Variants in SMPD4 observed in about 807,000 individuals in gnomAD.
SMPD4 encodes neutral sphingomyelinase 3.
In SMPD4, 58 loss-of-function variants were observed where a neutral mutation model predicts 97.8. That is an observed-to-expected ratio of 0.59 (90% CI 0.48 to 0.74). SMPD4 has a LOEUF of 0.74. SMPD4 is among the 30% of genes least tolerant of loss of function. The pLI is 0.00. For synonymous variants in SMPD4, 388 were observed against 450.0 expected, an observed-to-expected ratio of 0.86 and a Z score of 1.74; for missense variants, 853 against 1,080.5, an observed-to-expected ratio of 0.79 and a Z score of 2.95.
chr2:130,181,729 A>G (rs1376632544), upstream of SMPD4: 5 of 1,548,904 alleles, frequency 3.2e-6, no homozygotes, highest in East Asian at 2.4e-5. Context: ...ATGGCGAGGC[A>G]GGAGTGCGGG....
Position 130,152,513 on chromosome 2 carries a change from G to A in SMPD4, c.*42C>T. On this transcript the variant is annotated 3_prime_UTR_variant, in exon 20 of 20. Transcript: ENST00000680298. ...CCTCTCAGCCCAAGGGTGGGGCTGT[G>A]TGGCAAATCCCTCCAGCCTGCTCTG... The A allele has an allele frequency of 6.6e-7, 1 of 1,507,884 alleles. No homozygotes were observed. The highest frequency in any genetic ancestry group is 8.9e-7 in the Non-Finnish European group (1 of 1,119,190). The allele number at this position is 1,507,884 out of a possible 1,614,324, so 93.4% of individuals were successfully genotyped here. A position where few individuals can be genotyped will look rare whatever the true frequency, so the allele number is the denominator to read the frequency against.
rs1413310207 is a variant in SMPD4 at position 130,174,961 on chromosome 2, G to C, written c.79C>G (p.Gln27Glu). 3 of 1,609,862 alleles carry C rather than the reference G, an allele frequency of 1.9e-6. No homozygotes were observed. Among genetic ancestry groups the C allele is most frequent in the Non-Finnish European group, 8.5e-7 (1 of 1,176,364 alleles). ...KADSINKPFA[Q>E]QCQDLVKVIE... ...ACTTTAACCAAGTCTTGGCACTGCT[G>C]TGCAAAGGGCTTATTTATAGAGTCA... The change falls in exon 3 of 20, where the codon CAG (glutamine) becomes GAG (glutamate). Residue 27 changes from glutamine (Q) to glutamate (E), a missense_variant. By Grantham distance (29) the Gln-to-Glu change is conservative (BLOSUM62 2). Coordinates refer to ENST00000680298, the MANE Select transcript of SMPD4 (RefSeq NM_017951.5).
rs761898713 is a variant in SMPD4 at position 130,153,322 on chromosome 2, G to T, written c.2022C>A (p.Tyr674Ter). 1 of 1,613,718 alleles carries T rather than the reference G, an allele frequency of 6.2e-7. No homozygotes were observed. Among genetic ancestry groups the T allele is most frequent in the South Asian group, 1.1e-5 (1 of 91,088 alleles). ...CTCTGAGACACGGGCCTCTCACCTG[G>T]TACCGCCCCAGGGGCGTAAGGATGA... ...DGLILTPLGR[Y>*]QIINGLRRFE... Residue 674 changes from tyrosine to a stop codon, truncating the protein, a stop_gained, in exon 18 of 20, where the codon TAC becomes TAA. Transcript: ENST00000680298. LOFTEE classifies it high-confidence loss of function.
chr2:130,153,661 G>A (rs1686459917), intron 17 of SMPD4, 41 bp downstream of exon 17: 4 of 1,598,538 alleles, frequency 2.5e-6, no homozygotes, highest in Non-Finnish European at 3.4e-6. Flanking sequence ...CTTCAGGGAA[G>A]GGGACCCTGA....
At chr2:130,181,343 C>G (rs561997077) in intron 1 of SMPD4, 187 bp downstream of exon 1, 1 of 1,431,766 alleles carries the variant, frequency 7.0e-7, no homozygotes, top group African/African-American at 1.4e-5. Context: ...GGCACAAAGG[C>G]ATGGCCCAGA....
intron 11 of SMPD4, among the ~76,000 whole-genome samples, chr2:130,160,552 C>A (rs1687292125): frequency 6.6e-6 from 1 of 152,246 alleles, no homozygotes; most frequent in Non-Finnish European, 1.5e-5. Context: ...GAGGTCACCA[C>A]CCACTCTAAT....
intron 3 of SMPD4, among the ~76,000 whole-genome samples, chr2:130,174,574 G>A (rs1483801571): frequency 1.3e-5 from 2 of 152,164 alleles, no homozygotes; most frequent in African/African-American, 4.8e-5. Context: ...TTGTCGCAGG[G>A]AGCTGTCCTG....
chr2:130,152,693 C>A lies in SMPD4; in HGVS notation c.2346G>T (p.Ser782=). Residue 782 remains serine (S), a synonymous_variant, in exon 20 of 20, where the codon TCG becomes TCT. Transcript: ENST00000680298. ...AGGCCACGAAGAAGGCCAGCAGCAG[C>A]GAGACCAGCGTCCGGTAACTGCCCA... ...RFLGSYRTLV[S]LLLAFFVASL... 2 of 1,573,476 alleles carry A rather than the reference C, an allele frequency of 1.3e-6. No homozygotes were observed. Among genetic ancestry groups the A allele is most frequent in the South Asian group, 2.3e-5 (2 of 86,402 alleles).
At chr2:130,175,246 T>A (rs1688863695) in intron 2 of SMPD4, among the ~76,000 whole-genome samples, 2 of 152,128 alleles carry the variant, frequency 1.3e-5, no homozygotes, top group Admixed American at 1.3e-4. Context: ...CTCAGAGTGC[T>A]GCACATGATC....
At position 130,181,584 on chromosome 2, in the gene SMPD4, G is replaced by C. The variant is rs549079454; in HGVS notation, c.-100C>G. 2.5e-6 allele frequency: 4 copies of C among 1,605,320 alleles called. No homozygotes were observed. Among genetic ancestry groups the C allele is most frequent in the East Asian group, 4.5e-5 (2 of 44,540 alleles). On this transcript the variant is annotated 5_prime_UTR_variant, in exon 1 of 20. Transcript: ENST00000680298. Reference sequence around the variant, plus strand: ...GAGATGGAAGCCGCCATTCCGCCACGGCGCCGAAAGTCGTCATCAAGCTGC... The same window carrying C: ...GAGATGGAAGCCGCCATTCCGCCACCGCGCCGAAAGTCGTCATCAAGCTGC...
intron 8 of SMPD4, among the ~76,000 whole-genome samples, chr2:130,169,132 T>C (rs1688198830): frequency 6.6e-6 from 1 of 152,216 alleles, no homozygotes; most frequent in Admixed American, 6.5e-5. Context: ...GGTGTCCCAC[T>C]ACGGTGCTCC....
intron 10 of SMPD4, among the ~76,000 whole-genome samples, chr2:130,161,509 C>G (rs1339322620): frequency 6.6e-6 from 1 of 152,214 alleles, no homozygotes; most frequent in African/African-American, 2.4e-5. Context: ...CCTCCACAAC[C>G]AGGCCAGGGC....
chr2:130,170,272 TG>T (rs1350574069), intron 8 of SMPD4, among the ~76,000 whole-genome samples: 4 of 151,438 alleles, frequency 2.6e-5, no homozygotes, highest in Non-Finnish European at 5.9e-5. Context: ...AGATCACTTG[TG>T]GTAAGGAGTT....
chr2:130,176,108 C>T lies in SMPD4; in HGVS notation c.39+446G>A, dbSNP rs577851777. 1.1e-3 allele frequency among the ~76,000 whole-genome samples: 160 copies of T among 152,212 alleles called. 1 individual carries two copies. The highest frequency in any genetic ancestry group is 3.3e-3 in the Admixed American group (51 of 15,284). ...CAGTAGCTGGAACTCCAGGCATGAG[C>T]CACTGCACCCAGTTCTCAGCATCAT... is the stretch of plus-strand genomic sequence containing the variant. On this transcript the variant is annotated intron_variant, in intron 2 of 19. Coordinates refer to ENST00000680298, the MANE Select transcript of SMPD4 (RefSeq NM_017951.5).
chr2:130,172,868 A>G lies in SMPD4; in HGVS notation c.373T>C (p.Cys125Arg). 6.2e-7 allele frequency: 1 copy of G among 1,613,274 alleles called. No individual in the cohort carries two copies. The highest frequency in any genetic ancestry group is 1.1e-5 in the South Asian group (1 of 91,006). Residue 125 changes from cysteine to arginine, a missense_variant, in exon 6 of 20, where the codon TGC becomes CGC. By Grantham distance (180) the Cys-to-Arg change is radical. Transcript: ENST00000680298. ...TACAGAGGACTGTCAGGGAGGATGC[A>G]CTCCTGGATGGACGCCTTCACAGGA... The part of the protein sequence containing the change: ...PGPVKASIQE[C>R]ILPDSPLYHN...
In SMPD4 at chr2:130,153,125, G is replaced by A. The variant is rs867814872; in HGVS notation, c.2072C>T (p.Pro691Leu). Residue 691 changes from proline (P) to leucine (L), a missense_variant, in exon 19 of 20, where the codon CCG (proline) becomes CTG (leucine). By Grantham distance (98) the Pro-to-Leu change is moderately conservative. Coordinates refer to ENST00000680298, the MANE Select transcript of SMPD4 (RefSeq NM_017951.5). ...RRFEIEYQGD[P>L]ELQPIRSYEI... The stretch of plus-strand genomic sequence containing the variant: ...ATAGCTCCGGATGGGCTGCAGCTCC[G>A]GGTCCCCCTGGTACTCAATTTCAAA... 6.2e-6 allele frequency: 10 copies of A among 1,613,716 alleles called. No homozygotes were observed. The highest frequency in any genetic ancestry group is 1.3e-5 in the African/African-American group (1 of 74,914).
At chr2:130,152,924 C>T (rs1686374179) in intron 19 of SMPD4, 40 bp from the exon 20 acceptor site, 1 of 1,561,246 alleles carries the variant, frequency 6.4e-7, no homozygotes, top group Admixed American at 1.8e-5. Flanking sequence ...GGGGTGGTGG[C>T]ACCACAGGCC....
At position 130,170,596 on chromosome 2, in the gene SMPD4, C is replaced by T. The variant is rs115456783; in HGVS notation, c.659+1753G>A. Among the ~76,000 whole-genome samples the T allele has an allele frequency of 1.2e-4, 18 of 151,788 alleles. No homozygotes were observed. The South Asian group carries it at 2.9e-3, about 25-fold the overall frequency. On this transcript the variant is annotated intron_variant, in intron 8 of 19. Transcript: ENST00000680298. ...GCCTGGGCAACATAGCAAGACCCAT[C>T]TTACAAAAAAATAAAATAAAAGCTA... is the stretch of plus-strand genomic sequence containing the variant.
In SMPD4 at chr2:130,154,234, T is replaced by A; in HGVS notation, c.1659+43A>T. ...ACTTCCCGGGTTCTGCTCAGCCCCA[T>A]GGCTCCAGGGGCCCTGAGGACAGGC... On this transcript the variant is annotated intron_variant, in intron 16 of 19. Coordinates refer to ENST00000680298, the MANE Select transcript of SMPD4 (RefSeq NM_017951.5). 3 of 1,537,438 alleles carry A rather than the reference T, an allele frequency of 2.0e-6. No homozygotes were observed. In the South Asian group the frequency reaches 3.8e-5, roughly 20 times the overall value.
Sources: allele counts gnomAD v4.1 joint callset (sites outside exome capture counted in the v4.1 genomes callset), GRCh38; gene constraint gnomAD v4.1.1; transcripts MANE v1.5; gene names NCBI Gene and HGNC (gene_info 2026-07-23, HGNC 2026-07-21).